Variants in VWA5B1 observed in about 807,000 individuals in gnomAD.
VWA5B1 encodes the protein von Willebrand factor A domain containing 5B1.
In VWA5B1, 115 loss-of-function variants were observed where a neutral mutation model predicts 118.2. The observed-to-expected ratio is 0.97, with a 90% CI of 0.84 to 1.14. The LOEUF (loss-of-function observed/expected upper bound fraction) is 1.14, where lower values mean the gene tolerates loss of function less well. Among genes scored for constraint, VWA5B1 ranks in the 50% most tolerant of loss-of-function variants. VWA5B1 has a pLI of 0.00. For synonymous variants in VWA5B1, 682 were observed against 658.4 expected (o/e 1.04, Z -0.55); for missense variants, 1,596 against 1,603.8 (o/e 1.00, Z 0.08).
Position 20,311,517 on chromosome 1 carries a change from C to T in VWA5B1, c.139+777C>T, listed in dbSNP as rs140863022. On this transcript the variant is annotated intron_variant, in intron 2 of 21. Coordinates refer to ENST00000289815, the MANE Select transcript of VWA5B1 (RefSeq NM_001039500.3). ...AGATGAGGTAATACAGAAGGCAGGACTTTGTGGACTGAGAAACCATCTGTG... is the reference window on the plus strand; with the variant it reads ...AGATGAGGTAATACAGAAGGCAGGATTTTGTGGACTGAGAAACCATCTGTG... Among the ~76,000 whole-genome samples, 14 of 152,344 alleles carry T rather than the reference C, an allele frequency of 9.2e-5. No homozygotes were observed. In the East Asian group the frequency reaches 1.7e-3, roughly 19 times the overall value.
chr1:20,313,000 A>G lies in VWA5B1; in HGVS notation c.292+12A>G, dbSNP rs1357742734. 1 of 1,550,178 alleles carries G rather than the reference A, an allele frequency of 6.5e-7. No individual in the cohort carries two copies. Among genetic ancestry groups the G allele is most frequent in the East Asian group, 2.4e-5 (1 of 40,870 alleles). Reference sequence around the variant, plus strand: ...CCCAACAGTCACAGGTAAGGAGACCAGAAGGGCTGCCGCGGGACCTGGGTT... The same window carrying G: ...CCCAACAGTCACAGGTAAGGAGACCGGAAGGGCTGCCGCGGGACCTGGGTT... On this transcript the variant is annotated intron_variant, in intron 3 of 21. Transcript: ENST00000289815.
intron 20 of VWA5B1, among the ~76,000 whole-genome samples, chr1:20,351,773 C>T (rs906172920): frequency 2.0e-5 from 3 of 152,178 alleles, no homozygotes; most frequent in African/African-American, 7.2e-5. Flanking sequence ...GATTGTGTCC[C>T]TCCAGCCTAG....
chr1:20,330,781 C>A, intron 10 of VWA5B1, 88 bp from the exon 11 acceptor site: 2 of 1,330,342 alleles, frequency 1.5e-6, no homozygotes, highest in Middle Eastern at 1.9e-4. Flanking sequence ...CAAGATCCTG[C>A]CAGACCATGC....
chr1:20,329,758 A>T (rs2089491253), intron 9 of VWA5B1, among the ~76,000 whole-genome samples: 1 of 152,060 alleles, frequency 6.6e-6, no homozygotes, highest in Admixed American at 6.5e-5. Context: ...TAGAGAAATG[A>T]TTTTCTCAAA....
At chr1:20,310,142 C>T (rs960210526) in intron 1 of VWA5B1, among the ~76,000 whole-genome samples, 21 of 152,078 alleles carry the variant, frequency 1.4e-4, no homozygotes, top group African/African-American at 5.1e-4. Flanking sequence ...GTGAGCTATT[C>T]CAACGCTCTC....
rs141433925 is a variant in VWA5B1 at position 20,334,687 on chromosome 1, T to G, written c.1759-1616T>G. ...TTAGCCAGGCGTGGCGTCAGTCACCTGCAACCCCAGCTACTCGGGAGGCTG... is the reference window on the plus strand; with the variant it reads ...TTAGCCAGGCGTGGCGTCAGTCACCGGCAACCCCAGCTACTCGGGAGGCTG... On this transcript the variant is annotated intron_variant, in intron 12 of 21. Transcript: ENST00000289815. Among the ~76,000 whole-genome samples, 1,251 of 152,230 alleles carry G rather than the reference T, an allele frequency of 8.2e-3. 16 individuals are homozygous for G. Among genetic ancestry groups the G allele is most frequent in the African/African-American group, 0.027 (1,107 of 41,534 alleles).
rs902277577 is a variant in VWA5B1 at position 20,359,207 on chromosome 1, A to G, written c.*4944A>G. ...CCCAGGTGGCTTTGGCTCAAGTGGCATGGCTGGTGCTTGTCCCCATCAGAG... is the reference window on the plus strand; with the variant it reads ...CCCAGGTGGCTTTGGCTCAAGTGGCGTGGCTGGTGCTTGTCCCCATCAGAG... On this transcript the variant is annotated 3_prime_UTR_variant, in exon 22 of 22. Transcript: ENST00000289815. Among the ~76,000 whole-genome samples, 1 of 152,206 alleles carries G rather than the reference A, an allele frequency of 6.6e-6. No homozygotes were observed. The highest frequency in any genetic ancestry group is 2.4e-5 in the African/African-American group (1 of 41,446).
At chr1:20,332,635 A>T in intron 11 of VWA5B1, 131 bp from the exon 12 acceptor site, 2 of 913,238 alleles carry the variant, frequency 2.2e-6, no homozygotes. Flanking sequence ...GCTCAGTGCT[A>T]GGCAAGTCAC....
intron 8 of VWA5B1, among the ~76,000 whole-genome samples, chr1:20,324,320 C>A (rs2089311261): frequency 6.6e-6 from 1 of 152,264 alleles, no homozygotes; most frequent in African/African-American, 2.4e-5. Flanking sequence ...AGGGTGGAAG[C>A]AATGGTGATA....
In VWA5B1 at chr1:20,350,955, T is replaced by C. The variant is rs1056084412; in HGVS notation, c.3023+29T>C. ...GGTGGGATTTCCAATAAAGGTACAC[T>C]CTCCTGCCACCCATTTTCCTGGGGT... On this transcript the variant is annotated intron_variant, in intron 20 of 21. Transcript: ENST00000289815. 7.8e-6 allele frequency: 12 copies of C among 1,547,866 alleles called. No homozygotes were observed. In the Admixed American group the frequency reaches 2.4e-4, roughly 30 times the overall value.
chr1:20,350,784 C>T, intron 19 of VWA5B1, 73 bp from the exon 20 acceptor site: 1 of 1,420,236 alleles, frequency 7.0e-7, no homozygotes, highest in Non-Finnish European at 9.7e-7. Context: ...GGCCTCTGTT[C>T]CCCCAGTTGG....
rs115570400 is a variant in VWA5B1 at position 20,307,218 on chromosome 1, C to T, written c.-26-3358C>T. On this transcript the variant is annotated intron_variant, in intron 1 of 21. Coordinates refer to ENST00000289815, the MANE Select transcript of VWA5B1 (RefSeq NM_001039500.3). Reference sequence around the variant, plus strand: ...CACCATTCCGAAGACTGAGCCCTGGCTTCCCACACCCTGACCCGGAGATGC... The same window carrying T: ...CACCATTCCGAAGACTGAGCCCTGGTTTCCCACACCCTGACCCGGAGATGC... 2.3e-3 allele frequency among the ~76,000 whole-genome samples: 346 copies of T among 152,348 alleles called. 2 individuals carry two copies. Among genetic ancestry groups the T allele is most frequent in the African/African-American group, 7.5e-3 (312 of 41,584 alleles).
intron 7 of VWA5B1, among the ~76,000 whole-genome samples, chr1:20,322,275 A>G (rs1434327275): frequency 6.6e-6 from 1 of 152,224 alleles, no homozygotes; most frequent in African/African-American, 2.4e-5. Context: ...ACCCAAATAG[A>G]CAGAAACTGA....
At chr1:20,295,811 C>T (rs989151255) in intron 1 of VWA5B1, among the ~76,000 whole-genome samples, 2 of 152,120 alleles carry the variant, frequency 1.3e-5, no homozygotes, top group Admixed American at 1.3e-4. Flanking sequence ...TATTCAGGCC[C>T]CATGGAGGAG....
chr1:20,330,087 A>C, intron 9 of VWA5B1, 93 bp from the exon 10 acceptor site: 1 of 1,424,466 alleles, frequency 7.0e-7, no homozygotes, highest in South Asian at 1.3e-5. Flanking sequence ...GGTGAGGCTA[A>C]AAGAAGATCT....
chr1:20,313,875 C>T (rs1056963448), intron 3 of VWA5B1, among the ~76,000 whole-genome samples: 34 of 152,186 alleles, frequency 2.2e-4, no homozygotes, highest in African/African-American at 7.7e-4. Context: ...GAGGAAAAGA[C>T]CAGCCCAGAT....
In VWA5B1 at chr1:20,312,687, A is replaced by G. The variant is rs2088883813; in HGVS notation, c.140-149A>G. On this transcript the variant is annotated intron_variant, in intron 2 of 21. Coordinates refer to ENST00000289815, the MANE Select transcript of VWA5B1 (RefSeq NM_001039500.3). Reference sequence around the variant, plus strand: ...CCTGGTCCCAGAGCTGGGAGGTCCCAGTCTGGCTCTCTGCCGAGGCCTCTC... The same window carrying G: ...CCTGGTCCCAGAGCTGGGAGGTCCCGGTCTGGCTCTCTGCCGAGGCCTCTC... 3.6e-6 allele frequency: 4 copies of G among 1,119,720 alleles called. No homozygotes were observed. In the South Asian group the frequency reaches 9.5e-5, roughly 26 times the overall value. 69.4% of individuals were successfully genotyped at this position (1,119,720 alleles called of 1,614,324 possible).
In VWA5B1 at chr1:20,354,278, G is replaced by T; in HGVS notation, c.*15G>T. 1 of 1,518,714 alleles carries T rather than the reference G, an allele frequency of 6.6e-7. No homozygotes were observed. The highest frequency in any genetic ancestry group is 1.3e-5 in the South Asian group (1 of 79,086). The allele number at this position is 1,518,714 out of a possible 1,614,324, so 94.1% of individuals were successfully genotyped here. ...ATTATGTGTAGTTGAGTGACGGGGA[G>T]GCTGGGTGGAGGGAAGGGTGGGGAG... On this transcript the variant is annotated 3_prime_UTR_variant, in exon 22 of 22. Transcript: ENST00000289815.
In VWA5B1 at chr1:20,345,377, C is replaced by A. The variant is rs1482747467; in HGVS notation, c.2627-79C>A. ...AGATGGGGACCACTTAGGTAGAGCC[C>A]CCTTTTTAGCTTCCAAAGCTTGTGT... On this transcript the variant is annotated intron_variant, in intron 16 of 21. Transcript: ENST00000289815. 14 of 1,542,806 alleles carry A rather than the reference C, an allele frequency of 9.1e-6. No individual in the cohort carries two copies. In the South Asian group the frequency reaches 1.4e-4, roughly 16 times the overall value.
Sources: gnomAD v4.1 joint callset for allele counts (sites outside exome capture counted in the v4.1 genomes callset) on GRCh38, gnomAD v4.1.1 for gene constraint, MANE v1.5 for transcripts, NCBI Gene and HGNC (gene_info 2026-07-23, HGNC 2026-07-21) for gene names.